The following CR1 variants were observed in gnomAD, a reference collection of about 807,000 sequenced individuals.
The protein encoded by CR1 is complement C3b/C4b receptor 1 (Knops blood group).
A neutral mutation model predicts 187.3 loss-of-function variants in CR1; 116 were observed. The ratio of observed to expected loss-of-function variants is 0.62; its 90% CI spans 0.53 to 0.72. The LOEUF is 0.72. CR1 is among the 30% of genes least tolerant of loss of function. CR1 has a pLI of 0.00. For missense variants in CR1, 1,731 were observed against 2,110.7 expected (o/e 0.82, Z 3.52); for synonymous variants, 576 against 747.1 (o/e 0.77, Z 3.73).
intron 3 of CR1, among the ~76,000 whole-genome samples, chr1:207,509,433 C>T (rs1659549694): frequency 6.8e-6 from 1 of 147,190 alleles, no homozygotes; most frequent in Admixed American, 6.9e-5. Flanking sequence ...TGGATTTTGT[C>T]TCTCTGCCTT....
At chr1:207,510,217 GAAC>G (rs902130701) in intron 3 of CR1, among the ~76,000 whole-genome samples, 9 of 151,774 alleles carry the variant, frequency 5.9e-5, no homozygotes, top group African/African-American at 9.7e-5. Context: ...CAAAAAAAAA[GAAC>G]AACAACAACA....
intron 41 of CR1, among the ~76,000 whole-genome samples, chr1:207,617,112 C>T (rs1662123205): frequency 6.6e-6 from 1 of 152,014 alleles, no homozygotes; most frequent in South Asian, 2.1e-4. Flanking sequence ...AAAACAAATG[C>T]TAAAGAAAAT....
chr1:207,587,274 T>A, intron 33 of CR1, 112 bp from the exon 34 acceptor site: 1 of 918,828 alleles, frequency 1.1e-6, no homozygotes, highest in Non-Finnish European at 1.6e-6. Flanking sequence ...TTTGCTATTC[T>A]TGTAAGTCTC....
intron 46 of CR1, among the ~76,000 whole-genome samples, chr1:207,636,269 C>T (rs1571626541): frequency 6.6e-6 from 1 of 152,122 alleles, no homozygotes; most frequent in Non-Finnish European, 1.5e-5. Context: ...GCGAGGCCAT[C>T]AGCAACTCCT....
intron 37 of CR1, 21 bp from the exon 38 acceptor site, chr1:207,611,656 C>G: frequency 1.2e-6 from 2 of 1,612,960 alleles, no homozygotes; most frequent in Non-Finnish European, 8.5e-7. Context: ...AACAAGTGCT[C>G]TGGAACTGTC....
chr1:207,514,782 G>GATATGACAGT, intron 4 of CR1, among the ~76,000 whole-genome samples: 1 of 151,884 alleles, frequency 6.6e-6, no homozygotes, highest in Non-Finnish European at 1.5e-5. Flanking sequence ...TGATATCAAA[G>GATATGACAGT]CTATGACAGT....
chr1:207,621,091 T>A (rs1166805344), intron 43 of CR1, among the ~76,000 whole-genome samples: 1 of 152,096 alleles, frequency 6.6e-6, no homozygotes, highest in Non-Finnish European at 1.5e-5. Flanking sequence ...CTGGCCAACA[T>A]GGTGAAACCC....
intron 42 of CR1, among the ~76,000 whole-genome samples, chr1:207,619,212 G>A (rs1381820425): frequency 4.0e-5 from 6 of 150,848 alleles, no homozygotes; most frequent in South Asian, 2.1e-4. Flanking sequence ...GTGAAACCCC[G>A]TCTCTACCAA....
In CR1 at chr1:207,496,310, C is replaced by T. The variant is rs1402904259; in HGVS notation, c.43C>T (p.Pro15Ser). ...SPRSPEPVGP[P>S]APGLPFCCGG... is the part of the protein sequence containing the mutation. ...AAGAAGCCCGGAGCCTGTCGGGCCG[C>T]CGGCGCCCGGTCTCCCCTTCTGCTG... The change falls in exon 1 of 47, where the codon CCG becomes TCG. Residue 15 changes from proline (P) to serine (S), a missense_variant. Physicochemically the swap from Pro to Ser is moderately conservative, Grantham distance 74. Transcript: ENST00000367049. 2.5e-6 allele frequency: 4 copies of T among 1,613,694 alleles called. No individual in the cohort carries two copies. The highest frequency in any genetic ancestry group is 3.4e-6 in the Non-Finnish European group (4 of 1,179,854).
chr1:207,604,622 T>G (rs1170964803), intron 35 of CR1, among the ~76,000 whole-genome samples: 2 of 152,236 alleles, frequency 1.3e-5, no homozygotes, highest in African/African-American at 2.4e-5. Flanking sequence ...CTTGTATCTA[T>G]TTCTTGGGCT....
chr1:207,575,756 A>G, intron 28 of CR1, 76 bp downstream of exon 28: 1 of 1,598,784 alleles, frequency 6.3e-7, no homozygotes, highest in Non-Finnish European at 8.6e-7. Flanking sequence ...CAAAGAATGG[A>G]TCTCATCCCT....
intron 37 of CR1, 114 bp from the exon 38 acceptor site, chr1:207,611,563 C>T: frequency 2.7e-6 from 4 of 1,463,746 alleles, no homozygotes; most frequent in Non-Finnish European, 2.8e-6. Context: ...CCAATCTTCT[C>T]TTTTAATAGC....
rs796686615 is a variant in CR1 at position 207,628,921 on chromosome 1, A to G, written c.7353-1596A>G. Among the ~76,000 whole-genome samples, 11 of 152,268 alleles carry G rather than the reference A, an allele frequency of 7.2e-5. 1 individual carries two copies. The highest frequency in any genetic ancestry group is 2.2e-4 in the African/African-American group (9 of 41,558). On this transcript the variant is annotated intron_variant, in intron 45 of 46. Transcript: ENST00000367049. ...GGTATTTCTTTAAGGGCATCTTTCCATATTGAGATTTCCTGGCGTTTCACA... is the reference window on the plus strand; with the variant it reads ...GGTATTTCTTTAAGGGCATCTTTCCGTATTGAGATTTCCTGGCGTTTCACA...
intron 24 of CR1, among the ~76,000 whole-genome samples, 197 bp from the exon 25 acceptor site, chr1:207,567,627 T>A (rs889918112): frequency 6.6e-6 from 1 of 150,392 alleles, no homozygotes; most frequent in African/African-American, 2.5e-5. Context: ...TCCGGAAGAT[T>A]CAGGATAGAC....
chr1:207,501,977 T>A (rs1225527302), intron 1 of CR1, among the ~76,000 whole-genome samples: 2 of 152,020 alleles, frequency 1.3e-5, no homozygotes, highest in African/African-American at 2.4e-5. Flanking sequence ...GCTGTGAAAA[T>A]TTTTAAAAAT....
chr1:207,637,480 T>C (rs983088408), intron 46 of CR1, among the ~76,000 whole-genome samples: 6 of 152,284 alleles, frequency 3.9e-5, no homozygotes, highest in Admixed American at 6.5e-5. Context: ...TGATCTTTGA[T>C]AAGAAAAGTC....
chr1:207,621,463 A>G (rs1662312659), intron 43 of CR1, among the ~76,000 whole-genome samples: 1 of 152,214 alleles, frequency 6.6e-6, no homozygotes, highest in Admixed American at 6.5e-5. Flanking sequence ...TAGCCCTCCT[A>G]GAAATTTAAT....
intron 33 of CR1, among the ~76,000 whole-genome samples, chr1:207,585,514 A>T (rs1441250580): frequency 6.6e-6 from 1 of 152,170 alleles, no homozygotes; most frequent in Admixed American, 6.5e-5. Context: ...CTTCCTAAGG[A>T]GGGGAAGAAG....
At chr1:207,512,610 A>G (rs1217661865) in intron 4 of CR1, among the ~76,000 whole-genome samples, 6 of 152,184 alleles carry the variant, frequency 3.9e-5, no homozygotes, top group Non-Finnish European at 8.8e-5. Flanking sequence ...TACTTTTACT[A>G]GAAAGTTTAA....
Sources: gnomAD v4.1 joint callset for allele counts (sites outside exome capture counted in the v4.1 genomes callset) on GRCh38, gnomAD v4.1.1 for gene constraint, MANE v1.5 for transcripts, NCBI Gene and HGNC (gene_info 2026-07-23, HGNC 2026-07-21) for gene names.